Variants in MYL3 observed in about 807,000 individuals in gnomAD.
MYL3 encodes the protein CMLC1.
MYL3 carries 11 observed loss-of-function variants against 21.3 expected under a neutral mutation model. The observed-to-expected ratio is 0.52, with a 90% CI of 0.32 to 0.85. The LOEUF (loss-of-function observed/expected upper bound fraction) is 0.85, where lower values mean the gene tolerates loss of function less well. MYL3 is among the 40% of genes least tolerant of loss of function. MYL3 has a pLI of 0.03. For missense variants in MYL3, 206 were observed against 253.3 expected (o/e 0.81, Z 1.27); for synonymous variants, 88 against 91.6 (o/e 0.96, Z 0.22).
At chr3:46,878,189 C>T (rs944503873) in intron 1 of MYL3, among the ~76,000 whole-genome samples, 6 of 152,224 alleles carry the variant, frequency 3.9e-5, no homozygotes, top group African/African-American at 1.2e-4. Context: ...GGGAAGGGGG[C>T]TACCCAGCCA....
At chr3:46,875,299 C>A (rs143447751) in intron 1 of MYL3, among the ~76,000 whole-genome samples, 1 of 152,166 alleles carries the variant, frequency 6.6e-6, no homozygotes, top group African/African-American at 2.4e-5. Context: ...CTTCCCCTTC[C>A]GGTGAAGACC....
At chr3:46,866,810 C>T (rs926517638), upstream of MYL3, among the ~76,000 whole-genome samples, 1 of 152,176 alleles carries the variant, frequency 6.6e-6, no homozygotes, top group Non-Finnish European at 1.5e-5. Flanking sequence ...CAGCTGCCTC[C>T]AAGCCCACCC....
At chr3:46,873,335 C>T (rs1311444540) in intron 1 of MYL3, among the ~76,000 whole-genome samples, 1 of 152,186 alleles carries the variant, frequency 6.6e-6, no homozygotes, top group Non-Finnish European at 1.5e-5. Context: ...GGAGTTGGCT[C>T]CCCCAAACTC....
At chr3:46,858,966 A>G (rs1017391634) in intron 4 of MYL3, among the ~76,000 whole-genome samples, 5 of 152,022 alleles carry the variant, frequency 3.3e-5, no homozygotes, top group Non-Finnish European at 7.4e-5. Context: ...GAGAGAGAGG[A>G]GAGAGAGACC....
At chr3:46,864,895 C>T (rs1048637672), upstream of MYL3, among the ~76,000 whole-genome samples, 1 of 152,242 alleles carries the variant, frequency 6.6e-6, no homozygotes, top group Non-Finnish European at 1.5e-5. This position sits in a 1 kb window ranked among gnomAD's most constrained non-coding sequence, Gnocchi z 4.7. Context: ...CGCATGGGGA[C>T]GCCAACAGTG....
intron 1 of MYL3, among the ~76,000 whole-genome samples, chr3:46,873,791 G>A (rs1559522942): frequency 6.6e-6 from 1 of 152,228 alleles, no homozygotes; most frequent in Non-Finnish European, 1.5e-5. Flanking sequence ...TCCCCAAAAA[G>A]ATCATGACTA....
At chr3:46,878,390 G>A (rs956672702) in intron 1 of MYL3, among the ~76,000 whole-genome samples, 4 of 152,338 alleles carry the variant, frequency 2.6e-5, no homozygotes, top group Admixed American at 2.0e-4. Flanking sequence ...GCTGGGTGGA[G>A]GCACAACCTG....
At chr3:46,880,191 C>T (rs1425182917) in intron 1 of MYL3, 1 of 152,236 alleles carries the variant, frequency 6.6e-6, no homozygotes, top group Non-Finnish European at 1.5e-5. Flanking sequence ...ACCTCCCTCC[C>T]CAGTAACGGA....
Position 46,858,386 on chromosome 3 carries a change from T to C in MYL3, c.557A>G (p.Glu186Gly). The C allele has an allele frequency of 6.2e-7, 1 of 1,614,056 alleles. No individual in the cohort carries two copies. Among genetic ancestry groups the C allele is most frequent in the Non-Finnish European group, 8.5e-7 (1 of 1,180,006 alleles). The change falls in exon 5 of 7, where the codon GAA becomes GGA. Residue 186 changes from glutamate (E) to glycine (G), a missense_variant and splice_region_variant. Transcript: ENST00000292327. ...QEDSNGCINY[E>G]AFVKHIMSS ...ACCCCTGCCCCTGCTGAGCCCACCT[T>C]CATAGTTGATGCAGCCATTGGAGTC...
rs199811108 is a variant in MYL3, at chr3:46,858,481, G to A, written c.482-20C>T. On this transcript the variant is annotated intron_variant, in intron 4 of 6. Transcript: ENST00000292327. ...TCTCACCTGGCAGGAGTGGGAGGCT[G>A]AGTCAGCACCGTGCGTGCAGAGGCA... 87 of 1,610,548 alleles carry A rather than the reference G, an allele frequency of 5.4e-5. No individual in the cohort carries two copies. The highest frequency in any genetic ancestry group is 6.9e-5 in the Non-Finnish European group (82 of 1,179,856).
chr3:46,879,713 C>T lies in MYL3; in HGVS notation c.-218+2361G>A, dbSNP rs989656679. ...TGTGAGCCATGACCGTGCCACTGCA[C>T]TCCAGCCTGGGTGACACAGCAAGAC... On this transcript the variant is annotated intron_variant, in intron 1 of 3. Transcript: ENST00000431168. This position sits in a 1 kb window ranked among gnomAD's most constrained non-coding sequence, Gnocchi z 4.7. 5.3e-5 allele frequency among the ~76,000 whole-genome samples: 8 copies of T among 152,048 alleles called. No individual in the cohort carries two copies. Among genetic ancestry groups the T allele is most frequent in the Non-Finnish European group, 1.2e-4 (8 of 68,032 alleles).
chr3:46,877,212 T>C (rs999958483), intron 1 of MYL3, among the ~76,000 whole-genome samples: 5 of 152,032 alleles, frequency 3.3e-5, no homozygotes, highest in African/African-American at 1.2e-4. Context: ...CCTCCATCTC[T>C]TCCGTCTAGG....
intron 1 of MYL3, among the ~76,000 whole-genome samples, chr3:46,870,969 C>T (rs899374913): frequency 1.1e-4 from 17 of 152,334 alleles, no homozygotes; most frequent in African/African-American, 4.8e-5. Flanking sequence ...CCTCATGCTT[C>T]ATAGAAACCT....
In MYL3 at chr3:46,859,726, G is replaced by T; in HGVS notation, c.308-78C>A. ...CCTCCCCCATGCCTGATAATGAGGAGCTATCCCCACCTCTCACACAGTTCT... is the reference window on the plus strand; with the variant it reads ...CCTCCCCCATGCCTGATAATGAGGATCTATCCCCACCTCTCACACAGTTCT... On this transcript the variant is annotated intron_variant, in intron 3 of 6. Transcript: ENST00000292327. The surrounding 1 kb of genome is among the most constrained non-coding windows in gnomAD (Gnocchi z 4.1). 2 of 1,496,686 alleles carry T rather than the reference G, an allele frequency of 1.3e-6. No individual in the cohort carries two copies. The highest frequency in any genetic ancestry group is 1.9e-6 in the Non-Finnish European group (2 of 1,074,578). The allele number at this position is 1,496,686 out of a possible 1,614,324, so 92.7% of individuals were successfully genotyped here.
upstream of MYL3, chr3:46,866,428 A>T (rs76770574): frequency 8.2e-4 from 125 of 152,328 alleles, no homozygotes; most frequent in African/African-American, 2.8e-3. Context: ...CGGGGAAGAT[A>T]TGGGCCCTGA....
chr3:46,860,898 A>T lies in MYL3; in HGVS notation c.157+62T>A. 1 of 1,613,790 alleles carries T rather than the reference A, an allele frequency of 6.2e-7. No homozygotes were observed. The highest frequency in any genetic ancestry group is 2.2e-5 in the East Asian group (1 of 44,864). On this transcript the variant is annotated intron_variant, in intron 2 of 6. Coordinates refer to ENST00000292327, the MANE Select transcript of MYL3 (RefSeq NM_000258.3). This position sits in a 1 kb window ranked among gnomAD's most constrained non-coding sequence, Gnocchi z 4.6. Reference sequence around the variant, plus strand: ...CCCCACTCCCCACACCCCTGGCAGGACCCTCAGACCAGGGAACCCCAGCCC... The same window carrying T: ...CCCCACTCCCCACACCCCTGGCAGGTCCCTCAGACCAGGGAACCCCAGCCC...
At position 46,860,230 on chromosome 3, in the gene MYL3, G is replaced by A. The variant is rs905160422; in HGVS notation, c.307+446C>T. Among the ~76,000 whole-genome samples, 4 of 152,058 alleles carry A rather than the reference G, an allele frequency of 2.6e-5. No homozygotes were observed. Among genetic ancestry groups the A allele is most frequent in the East Asian group, 3.8e-4 (2 of 5,198 alleles). On this transcript the variant is annotated intron_variant, in intron 3 of 6. Transcript: ENST00000292327. The surrounding 1 kb of genome is among the most constrained non-coding windows in gnomAD (Gnocchi z 4.6). ...TGCAACCTCAAATTCCTGGGCTCAC[G>A]GGATCCTCCTGGCTCAGCTTCCTGA...
chr3:46,875,264 C>T (rs2030147003), intron 1 of MYL3, among the ~76,000 whole-genome samples: 1 of 152,182 alleles, frequency 6.6e-6, no homozygotes, highest in African/African-American at 2.4e-5. Context: ...CTGAGGGCCC[C>T]ATCCCTCAGC....
intron 1 of MYL3, among the ~76,000 whole-genome samples, chr3:46,871,996 T>C (rs2029951350): frequency 6.6e-6 from 1 of 152,126 alleles, no homozygotes; most frequent in Admixed American, 6.5e-5. Context: ...TGCTGGCCCC[T>C]TCACTGACTC....
Sources: allele counts gnomAD v4.1 joint callset (sites outside exome capture counted in the v4.1 genomes callset), GRCh38; gene constraint gnomAD v4.1.1; non-coding constraint Gnocchi (gnomAD v3.1); transcripts MANE v1.5; gene names NCBI Gene and HGNC (gene_info 2026-07-23, HGNC 2026-07-21).